DNAH3: variants seen among roughly 807,000 people sequenced by gnomAD.
DNAH3 encodes the protein axonemal beta dynein heavy chain 3.
Under a neutral mutation model 432.5 loss-of-function variants are expected in DNAH3, and 332 were observed. The observed-to-expected ratio is 0.77, with a 90% CI of 0.70 to 0.84. The LOEUF is 0.84. DNAH3 is among the 40% of genes least tolerant of loss of function. The probability of loss-of-function intolerance (pLI) is 0.00; values close to 1 mark genes in which losing one functional copy is unlikely to be tolerated. For missense variants in DNAH3, 4,861 were observed against 5,114.0 expected (o/e 0.95, Z 1.51); for synonymous variants, 1,956 against 1,900.2 (o/e 1.03, Z -0.76).
At chr16:21,077,985 A>G (rs1326061288) in intron 20 of DNAH3, among the ~76,000 whole-genome samples, 1 of 151,932 alleles carries the variant, frequency 6.6e-6, no homozygotes, top group Non-Finnish European at 1.5e-5. Flanking sequence ...AGAAAGAGCA[A>G]TAGAACTAGG....
chr16:21,125,414 T>G, intron 8 of DNAH3, 44 bp from the exon 10 acceptor site: 1 of 1,498,400 alleles, frequency 6.7e-7, no homozygotes, highest in Non-Finnish European at 8.9e-7. Flanking sequence ...TCTTCTGGGC[T>G]CCGAGGAACC....
At chr16:21,023,759 C>T (rs965602895) in intron 39 of DNAH3, among the ~76,000 whole-genome samples, 1 of 149,932 alleles carries the variant, frequency 6.7e-6, no homozygotes, top group African/African-American at 2.5e-5. Context: ...AATGACTTTA[C>T]ATATATGGGG....
chr16:20,984,179 G>C (rs1462863844), intron 48 of DNAH3, among the ~76,000 whole-genome samples: 1 of 151,552 alleles, frequency 6.6e-6, no homozygotes. Context: ...GTGTGTGTGT[G>C]TATATGTGTG....
intron 19 of DNAH3, among the ~76,000 whole-genome samples, chr16:21,083,050 T>C (rs909993586): frequency 1.3e-5 from 2 of 151,074 alleles, no homozygotes; most frequent in Non-Finnish European, 2.9e-5. Context: ...AGAGTCTCGC[T>C]CTGTCACCCA....
At chr16:20,947,925 G>A (rs1440768469) in intron 57 of DNAH3, among the ~76,000 whole-genome samples, 3 of 152,028 alleles carry the variant, frequency 2.0e-5, no homozygotes, top group East Asian at 1.9e-4. Context: ...ACAGGCAGGC[G>A]CCACCACACC....
intron 7 of DNAH3, chr16:21,129,100 ACCCTAT>A (rs1453707667): frequency 6.6e-6 from 1 of 152,180 alleles, no homozygotes; most frequent in African/African-American, 2.4e-5. Context: ...GGTGCTCTGC[ACCCTAT>A]GCCATCTCTC....
intron 18 of DNAH3, 94 bp from the exon 19 acceptor site, chr16:21,087,154 C>G: frequency 9.4e-7 from 1 of 1,062,304 alleles, no homozygotes; most frequent in Admixed American, 1.8e-5. Flanking sequence ...TGCCTCCTGT[C>G]GTTTGGAGAT....
chr16:21,056,822 G>A (rs1186491056), intron 27 of DNAH3, among the ~76,000 whole-genome samples: 1 of 152,120 alleles, frequency 6.6e-6, no homozygotes, highest in African/African-American at 2.4e-5. Flanking sequence ...AAAAGTCAGA[G>A]ATACCATCAC....
chr16:21,027,638 A>G lies in DNAH3; in HGVS notation c.5440-511T>C, dbSNP rs62034889. The stretch of plus-strand genomic sequence containing the variant: ...GTGGATCACTTGAGGTCAGGAGTTC[A>G]AGACCAGCATGGCCAACATGGTAAA... On this transcript the variant is annotated intron_variant, in intron 37 of 61. Transcript: ENST00000261383. 3.7e-3 allele frequency among the ~76,000 whole-genome samples: 564 copies of G among 152,254 alleles called. 2 individuals are homozygous for G. Among genetic ancestry groups the G allele is most frequent in the Non-Finnish European group, 6.0e-3 (410 of 68,002 alleles).
intron 31 of DNAH3, among the ~76,000 whole-genome samples, chr16:21,044,352 G>A (rs1443043734): frequency 6.6e-6 from 1 of 151,578 alleles, no homozygotes; most frequent in Admixed American, 6.6e-5. Flanking sequence ...ATTTTGTTGA[G>A]CAGTGGTTTG....
chr16:21,124,750 A>G (rs573234851), intron 9 of DNAH3, among the ~76,000 whole-genome samples: 2 of 152,180 alleles, frequency 1.3e-5, no homozygotes, highest in Non-Finnish European at 2.9e-5. Context: ...CCTGGGTTCA[A>G]GCAATTCTCC....
At chr16:20,942,870 T>C (rs1253702996) in intron 58 of DNAH3, among the ~76,000 whole-genome samples, 1 of 152,152 alleles carries the variant, frequency 6.6e-6, no homozygotes, top group Admixed American at 6.5e-5. Flanking sequence ...AGTCACATGG[T>C]GAGAAAGTTA....
At chr16:21,083,486 T>G (rs1452242121) in intron 19 of DNAH3, among the ~76,000 whole-genome samples, 1 of 152,160 alleles carries the variant, frequency 6.6e-6, no homozygotes, top group African/African-American at 2.4e-5. Context: ...CACCTTAGTG[T>G]AGTGATCCAA....
At chr16:20,957,680 T>A (rs2084623589) in intron 54 of DNAH3, among the ~76,000 whole-genome samples, 1 of 151,282 alleles carries the variant, frequency 6.6e-6, no homozygotes, top group African/African-American at 2.4e-5. Flanking sequence ...TGCATGGTGG[T>A]GCATGCCTGT....
intron 6 of DNAH3, 70 bp downstream of exon 7, chr16:21,136,254 A>G: frequency 6.9e-7 from 1 of 1,448,370 alleles, no homozygotes. Context: ...TCTCTACAAA[A>G]ATAAAAATAA....
intron 53 of DNAH3, among the ~76,000 whole-genome samples, chr16:20,962,959 C>A (rs1470816567): frequency 6.6e-6 from 1 of 152,178 alleles, no homozygotes. Flanking sequence ...TCTCCGGAAC[C>A]CTCACCAGGT....
At chr16:21,111,829 G>C (rs1445965434) in intron 13 of DNAH3, 25 bp from the exon 14 acceptor site, 12 of 1,607,192 alleles carry the variant, frequency 7.5e-6, no homozygotes, top group Non-Finnish European at 1.0e-5. Flanking sequence ...ACATTCAGTA[G>C]CTTGATTTGC....
chr16:21,157,137 C>T (rs976525469), intron 1 of DNAH3, among the ~76,000 whole-genome samples: 4 of 152,084 alleles, frequency 2.6e-5, no homozygotes, highest in African/African-American at 9.7e-5. Context: ...CCTATCCCCA[C>T]CATTAGCTCT....
intron 12 of DNAH3, among the ~76,000 whole-genome samples, chr16:21,116,899 T>G (rs1020317754): frequency 6.6e-6 from 1 of 151,970 alleles, no homozygotes; most frequent in Non-Finnish European, 1.5e-5. Context: ...GTTACTTTTA[T>G]ATAACCCAGA....
Sources: allele counts gnomAD v4.1 joint callset (sites outside exome capture counted in the v4.1 genomes callset), GRCh38; gene constraint gnomAD v4.1.1; transcripts MANE v1.5; gene names NCBI Gene and HGNC (gene_info 2026-07-23, HGNC 2026-07-21).